Variants in EVI5 observed in about 807,000 individuals in gnomAD.
EVI5 encodes ecotropic viral integration site 5 protein homolog.
EVI5 carries 73 observed loss-of-function variants against 112.0 expected under a neutral mutation model. That is an observed-to-expected ratio of 0.65 (90% confidence interval 0.54 to 0.79). EVI5 has a LOEUF of 0.79. Ranked by LOEUF, EVI5 falls within the 30% of genes least tolerant of loss-of-function variation. EVI5 has a pLI of 0.00. For synonymous variants in EVI5, 305 were observed against 319.9 expected, an observed-to-expected ratio of 0.95 and a Z score of 0.50; for missense variants, 900 against 968.8, an observed-to-expected ratio of 0.93 and a Z score of 0.94.
chr1:92,605,281 T>G, intron 18 of EVI5, 26 bp downstream of exon 18: 1 of 1,424,424 alleles, frequency 7.0e-7, no homozygotes, highest in Non-Finnish European at 9.9e-7. Flanking sequence ...TATTTTTACA[T>G]GTACTTTATT....
intron 16 of EVI5, among the ~76,000 whole-genome samples, chr1:92,620,383 A>C (rs1654269642): frequency 6.6e-6 from 1 of 151,098 alleles, no homozygotes; most frequent in South Asian, 2.1e-4. Flanking sequence ...ACAACCAAGA[A>C]GTTTCCAAAA....
intron 1 of EVI5, among the ~76,000 whole-genome samples, chr1:92,747,019 T>A (rs894004044): frequency 3.9e-5 from 6 of 152,146 alleles, no homozygotes; most frequent in Admixed American, 3.9e-4. Flanking sequence ...TATGACACAT[T>A]TGTAAAAGTC....
At chr1:92,582,110 T>C (rs1002261232) in intron 18 of EVI5, among the ~76,000 whole-genome samples, 1 of 152,228 alleles carries the variant, frequency 6.6e-6, no homozygotes, top group Non-Finnish European at 1.5e-5. Context: ...CTATACAGTA[T>C]AGCCTACTGT....
At chr1:92,664,070 G>C (rs1664479548) in intron 11 of EVI5, among the ~76,000 whole-genome samples, 1 of 151,926 alleles carries the variant, frequency 6.6e-6, no homozygotes, top group South Asian at 2.1e-4. Context: ...TTCCTCTTTT[G>C]GTATATTTAC....
intron 1 of EVI5, among the ~76,000 whole-genome samples, chr1:92,761,755 G>A (rs1681915259): frequency 6.6e-6 from 1 of 152,140 alleles, no homozygotes; most frequent in African/African-American, 2.4e-5. Flanking sequence ...ACAGATGTGT[G>A]CTATCACAAA....
intron 18 of EVI5, among the ~76,000 whole-genome samples, chr1:92,597,481 G>A (rs1161761161): frequency 6.6e-6 from 1 of 152,178 alleles, no homozygotes; most frequent in East Asian, 1.9e-4. Flanking sequence ...AGGGACCTAA[G>A]CTCAGTCACT....
At chr1:92,789,059 A>C (rs916951780), upstream of EVI5, among the ~76,000 whole-genome samples, 4 of 152,144 alleles carry the variant, frequency 2.6e-5, no homozygotes, top group Admixed American at 2.0e-4. Flanking sequence ...AGTTTTTAAC[A>C]CAGTCAGTTG....
At chr1:92,742,559 G>C (rs1320175864) in intron 1 of EVI5, among the ~76,000 whole-genome samples, 1 of 152,000 alleles carries the variant, frequency 6.6e-6, no homozygotes, top group Non-Finnish European at 1.5e-5. Flanking sequence ...TGTAATCTCA[G>C]CTACTCAGGA....
chr1:92,731,515 C>T (rs1676466471), intron 2 of EVI5, among the ~76,000 whole-genome samples: 2 of 152,054 alleles, frequency 1.3e-5, no homozygotes, highest in South Asian at 2.1e-4. Context: ...GCAATCCCAA[C>T]CAAAATTTCA....
intron 14 of EVI5, among the ~76,000 whole-genome samples, chr1:92,626,937 A>T (rs1655797155): frequency 6.6e-6 from 1 of 152,254 alleles, no homozygotes; most frequent in South Asian, 2.1e-4. Context: ...CAGTCAAGAA[A>T]TTAATACAAA....
intron 19 of EVI5, among the ~76,000 whole-genome samples, chr1:92,549,667 C>T (rs1180664144): frequency 3.3e-5 from 5 of 152,078 alleles, no homozygotes; most frequent in Non-Finnish European, 5.9e-5. Flanking sequence ...AAACAAACAA[C>T]CCCATCAAAA....
chr1:92,633,301 G>A (rs1312853690), intron 14 of EVI5, among the ~76,000 whole-genome samples: 1 of 152,132 alleles, frequency 6.6e-6, no homozygotes, highest in South Asian at 2.1e-4. Context: ...TTATTGTGTG[G>A]GAGTCTAAGT....
intron 15 of EVI5, 126 bp from the exon 16 acceptor site, chr1:92,624,460 C>T (rs1332476349): frequency 1.4e-6 from 1 of 726,670 alleles, no homozygotes; most frequent in Non-Finnish European, 2.3e-6. Context: ...TATTTAATCC[C>T]TAGAAAATCC....
chr1:92,687,384 T>G (rs1457099709), intron 9 of EVI5, among the ~76,000 whole-genome samples: 1 of 152,152 alleles, frequency 6.6e-6, no homozygotes, highest in Admixed American at 6.5e-5. Context: ...TATACAAAAA[T>G]TAATTCAAGA....
In EVI5 at chr1:92,548,062, C is replaced by T. The variant is rs552677126; in HGVS notation, c.2166+15580G>A. Among the ~76,000 whole-genome samples the T allele has an allele frequency of 1.8e-3, 267 of 151,292 alleles. 1 individual carries two copies. Among genetic ancestry groups the T allele is most frequent in the African/African-American group, 5.9e-3 (244 of 41,202 alleles). ...ACAACAAAAAAAGAAAATTTTAGAC[C>T]AATATCCCTGATGAACATCAATGTG... On this transcript the variant is annotated intron_variant, in intron 19 of 19. Transcript: ENST00000684568.
In EVI5 at chr1:92,508,846, A is replaced by G. The variant is rs138088670; in HGVS notation, c.*4810T>C. On this transcript the variant is annotated 3_prime_UTR_variant, in exon 20 of 20. Transcript: ENST00000684568. ...GGTAGTATACTGAATGTATTATTCT[A>G]TCATCTCCTCTTTGGAGTAAAAAGA... 6.5e-6 allele frequency: 1 copy of G among 152,682 alleles called. No individual in the cohort carries two copies. Among genetic ancestry groups the G allele is most frequent in the African/African-American group, 2.4e-5 (1 of 41,598 alleles). 9.5% of individuals were successfully genotyped at this position (152,682 alleles called of 1,614,324 possible).
intron 18 of EVI5, among the ~76,000 whole-genome samples, chr1:92,604,318 A>G (rs964940439): frequency 8.6e-5 from 13 of 151,974 alleles, no homozygotes; most frequent in Middle Eastern, 3.2e-3. Flanking sequence ...CTGTGCCACT[A>G]AACTCCGGTC....
chr1:92,578,546 T>G (rs1482652011), intron 18 of EVI5, among the ~76,000 whole-genome samples: 2 of 151,708 alleles, frequency 1.3e-5, no homozygotes, highest in Non-Finnish European at 2.9e-5. Flanking sequence ...AAACCCCGTA[T>G]CTACTAAACA....
intron 18 of EVI5, among the ~76,000 whole-genome samples, chr1:92,593,954 A>G (rs1674464324): frequency 6.6e-6 from 1 of 152,232 alleles, no homozygotes; most frequent in African/African-American, 2.4e-5. Context: ...TTCCATGCTT[A>G]TGGGTAGGAA....
Sources: allele counts gnomAD v4.1 joint callset (sites outside exome capture counted in the v4.1 genomes callset), GRCh38; gene constraint gnomAD v4.1.1; transcripts MANE v1.5; gene names NCBI Gene and HGNC (gene_info 2026-07-23, HGNC 2026-07-21).